Variants in DAP3 observed in about 807,000 individuals in gnomAD.
DAP3 encodes small ribosomal subunit protein mS29.
DAP3 carries 28 observed loss-of-function variants against 51.9 expected under a neutral mutation model. That is an observed-to-expected ratio of 0.54 (90% CI 0.40 to 0.74). DAP3 has a LOEUF of 0.74. DAP3 is among the 30% of genes least tolerant of loss of function. DAP3 has a pLI of 0.00. For missense variants in DAP3, 458 were observed against 483.5 expected (o/e 0.95, Z 0.49); for synonymous variants, 170 against 170.3 (o/e 1.00, Z 0.01).
intron 1 of DAP3, among the ~76,000 whole-genome samples, chr1:155,698,798 C>T (rs1004372285): frequency 6.6e-6 from 1 of 152,230 alleles, no homozygotes; most frequent in Non-Finnish European, 1.5e-5. Flanking sequence ...AGCTCAAATA[C>T]ATGGCGTACT....
At chr1:155,701,165 C>T (rs1655228790) in intron 1 of DAP3, among the ~76,000 whole-genome samples, 1 of 113,130 alleles carries the variant, frequency 8.8e-6, no homozygotes, top group Non-Finnish European at 1.7e-5. Flanking sequence ...GCCACCACCC[C>T]GTCTGGGAGG....
chr1:155,696,220 A>G (rs1257269896), intron 1 of DAP3, among the ~76,000 whole-genome samples: 4 of 152,218 alleles, frequency 2.6e-5, no homozygotes, highest in Admixed American at 2.6e-4. Context: ...AGGAGTGTGA[A>G]GTAGGGAACA....
rs1656471809 is a variant in DAP3 at position 155,709,815 on chromosome 1, G to A, written c.36G>A (p.Arg12=). The change falls in exon 2 of 13, where the codon AGG becomes AGA. Residue 12 remains arginine, a synonymous_variant. Coordinates refer to ENST00000368336, the MANE Select transcript of DAP3 (RefSeq NM_004632.4). ...AAGGAATAACAAGGCTTATCTCTAG[G>A]ATCCATAAGGTGAGTCCTGACTGAC... ...MLKGITRLIS[R]IHKLDPGRFL... is the part of the protein sequence containing the mutation. 6.2e-7 allele frequency: 1 copy of A among 1,613,172 alleles called. No homozygotes were observed. Among genetic ancestry groups the A allele is most frequent in the Admixed American group, 1.7e-5 (1 of 59,920 alleles).
At chr1:155,720,324 CAAAAAAAAAAA>C (rs61252469) in intron 3 of DAP3, among the ~76,000 whole-genome samples, 32 of 32,812 alleles carry the variant, frequency 9.8e-4, no homozygotes, top group Middle Eastern at 0.024. Flanking sequence ...GATCTTGTCT[CAAAAAAAAAAA>C]AAAAAAAAAA....
intron 9 of DAP3, among the ~76,000 whole-genome samples, chr1:155,730,555 G>A (rs549299893): frequency 4.1e-4 from 63 of 152,196 alleles, no homozygotes; most frequent in South Asian, 2.5e-3. Flanking sequence ...GGCAGAGCCC[G>A]CAATGAGTGG....
chr1:155,688,680 C>T (rs1001134398), upstream of DAP3: 69 of 1,530,382 alleles, frequency 4.5e-5, no homozygotes, highest in Non-Finnish European at 5.6e-5. Flanking sequence ...CGAGCCCAAG[C>T]CTTCTCCACC....
rs887317004 is a variant in DAP3 at position 155,691,008 on chromosome 1, C to T, written c.-8+1834C>T. On this transcript the variant is annotated intron_variant, in intron 1 of 12. Transcript: ENST00000368336. ...CTGCAAGCTCCGCCTCCCGGGTTCG[C>T]GCCATTCTCCTACCTCAGCCTCCTG... is the stretch of plus-strand genomic sequence containing the variant. Among the ~76,000 whole-genome samples, 10 of 142,022 alleles carry T rather than the reference C, an allele frequency of 7.0e-5. 1 individual carries two copies. In the East Asian group the frequency reaches 7.7e-4, roughly 11 times the overall value. The allele number at this position is 142,022 out of a possible 152,430, so 93.2% of individuals were successfully genotyped here.
intron 9 of DAP3, among the ~76,000 whole-genome samples, chr1:155,730,163 A>C (rs953948179): frequency 6.7e-6 from 1 of 148,182 alleles, no homozygotes; most frequent in Non-Finnish European, 1.5e-5. Context: ...ATACGAATAT[A>C]CCTATATGTT....
chr1:155,734,130 C>T (rs1478418683), intron 11 of DAP3, among the ~76,000 whole-genome samples: 1 of 152,126 alleles, frequency 6.6e-6, no homozygotes, highest in Non-Finnish European at 1.5e-5. Context: ...GTACTCCAGC[C>T]TGGGCAATAG....
intron 1 of DAP3, among the ~76,000 whole-genome samples, chr1:155,705,879 T>C (rs1245883566): frequency 6.6e-6 from 1 of 151,756 alleles, no homozygotes; most frequent in Non-Finnish European, 1.5e-5. Context: ...TTTTTATATT[T>C]TAGTAGAGAT....
rs1802739 is a variant in DAP3 at position 155,738,377 on chromosome 1, G to T, written c.*135G>T. ...ATGGGATTGGACAGGACTGCAGTTG[G>T]CTCTGGACCTGCATTAAAATGGGTT... is the stretch of plus-strand genomic sequence containing the variant. On this transcript the variant is annotated 3_prime_UTR_variant, in exon 13 of 13. Transcript: ENST00000368336. 2 of 776,770 alleles carry T rather than the reference G, an allele frequency of 2.6e-6. No individual in the cohort carries two copies. Among genetic ancestry groups the T allele is most frequent in the Non-Finnish European group, 2.0e-6 (1 of 505,052 alleles). 48.1% of individuals were successfully genotyped at this position (776,770 alleles called of 1,614,324 possible).
chr1:155,716,094 A>G (rs1029895331), intron 2 of DAP3, among the ~76,000 whole-genome samples: 4 of 152,190 alleles, frequency 2.6e-5, no homozygotes, highest in Admixed American at 6.5e-5. Context: ...TCCTGCTTCA[A>G]GTTTGCTAAT....
At chr1:155,718,812 T>C (rs1657655215) in intron 3 of DAP3, among the ~76,000 whole-genome samples, 1 of 152,012 alleles carries the variant, frequency 6.6e-6, no homozygotes, top group Non-Finnish European at 1.5e-5. Flanking sequence ...CAAAATGAAG[T>C]AGAATAAATG....
chr1:155,688,397 C>A (rs1419779499), upstream of DAP3: 2 of 1,543,956 alleles, frequency 1.3e-6, no homozygotes, highest in Non-Finnish European at 8.8e-7. Flanking sequence ...TAGCGACACC[C>A]CCAACCTCCC....
chr1:155,721,398 ATG>A (rs1010299403), intron 3 of DAP3, 117 bp from the exon 4 acceptor site: 35 of 439,886 alleles, frequency 8.0e-5, no homozygotes, highest in Non-Finnish European at 1.0e-4. Context: ...ATATGTATGT[ATG>A]TATATATATA....
intron 11 of DAP3, among the ~76,000 whole-genome samples, chr1:155,733,348 T>G (rs897244792): frequency 2.6e-5 from 4 of 152,240 alleles, no homozygotes; most frequent in Non-Finnish European, 5.9e-5. Context: ...GTTGTAGAGA[T>G]ATACTTTGAG....
At chr1:155,710,822 T>C (rs544091263) in intron 2 of DAP3, among the ~76,000 whole-genome samples, 1 of 152,264 alleles carries the variant, frequency 6.6e-6, no homozygotes, top group Non-Finnish European at 1.5e-5. Context: ...CACTGTGCTC[T>C]ATTGCATTTT....
intron 2 of DAP3, chr1:155,710,711 G>A (rs978620617): frequency 6.6e-6 from 1 of 152,138 alleles, no homozygotes; most frequent in Non-Finnish European, 1.5e-5. Flanking sequence ...AGAAACTAAA[G>A]ATGAGACTGG....
chr1:155,717,107 C>T lies in DAP3; in HGVS notation c.147C>T (p.Ser49=), dbSNP rs776731938. 6 of 1,614,116 alleles carry T rather than the reference C, an allele frequency of 3.7e-6. No individual in the cohort carries two copies. In the Middle Eastern group the frequency reaches 4.9e-4, roughly 133 times the overall value. Residue 49 remains serine, a synonymous_variant, in exon 3 of 13, where the codon TCC becomes TCT. Coordinates refer to ENST00000368336, the MANE Select transcript of DAP3 (RefSeq NM_004632.4). The stretch of plus-strand genomic sequence containing the variant: ...CAGTTGAGAGTCCGAGAGCTATTTC[C>T]CGCACCAATGAGAATGACCCGGTGA... ...QVPVESPRAI[S]RTNENDPAKH... is the part of the protein sequence containing the mutation.
Sources: gnomAD v4.1 joint callset for allele counts (sites outside exome capture counted in the v4.1 genomes callset) on GRCh38, gnomAD v4.1.1 for gene constraint, MANE v1.5 for transcripts, NCBI Gene and HGNC (gene_info 2026-07-23, HGNC 2026-07-21) for gene names.